The following PARD3B variants were observed in gnomAD, a reference collection of about 807,000 sequenced individuals.
PARD3B encodes par-3 family cell polarity regulator beta.
A neutral mutation model predicts 130.2 loss-of-function variants in PARD3B; 103 were observed. That is an observed-to-expected ratio of 0.79 (90% CI 0.67 to 0.93). The LOEUF (loss-of-function observed/expected upper bound fraction) is 0.93. PARD3B is among the 40% of genes least tolerant of loss of function. The probability of loss-of-function intolerance (pLI) is 0.00; values close to 1 mark genes in which losing one functional copy is unlikely to be tolerated. For missense variants in PARD3B, 1,609 were observed against 1,499.2 expected, an observed-to-expected ratio of 1.07 and a Z score of -1.21; for synonymous variants, 583 against 553.2, an observed-to-expected ratio of 1.05 and a Z score of -0.76.
At chr2:205,249,663 A>T (rs916340866) in intron 16 of PARD3B, among the ~76,000 whole-genome samples, 3 of 152,138 alleles carry the variant, frequency 2.0e-5, no homozygotes, top group Admixed American at 6.5e-5. Context: ...GGCTTCCCCA[A>T]AAGGGCATTG....
chr2:204,896,161 A>G (rs942955907), intron 2 of PARD3B, among the ~76,000 whole-genome samples: 1 of 152,228 alleles, frequency 6.6e-6, no homozygotes, highest in African/African-American at 2.4e-5. Context: ...TGCAAATGCT[A>G]GCTATTATTA....
Position 205,116,142 on chromosome 2 carries a change from A to T in PARD3B, c.680+2565A>T, listed in dbSNP as rs1394474155. On this transcript the variant is annotated intron_variant, in intron 6 of 22. Coordinates refer to ENST00000406610, the MANE Select transcript of PARD3B (RefSeq NM_001302769.2). This position sits in a 1 kb window ranked among gnomAD's most constrained non-coding sequence, Gnocchi z 4.5. ...TTCCCAGTAAAAACAAAGCAAACAT[A>T]AAAAAAACACCAAAGTTCTTGCAAC... Among the ~76,000 whole-genome samples, 2 of 151,614 alleles carry T rather than the reference A, an allele frequency of 1.3e-5. No homozygotes were observed. The highest frequency in any genetic ancestry group is 6.6e-5 in the Admixed American group (1 of 15,062).
chr2:205,369,148 T>C (rs1387359430), intron 18 of PARD3B, among the ~76,000 whole-genome samples: 1 of 152,250 alleles, frequency 6.6e-6, no homozygotes, highest in African/African-American at 2.4e-5. Context: ...ATTAAAAGAA[T>C]GTGCAACTAT....
chr2:205,110,953 C>CATA (rs1173515944), intron 5 of PARD3B, among the ~76,000 whole-genome samples: 8 of 152,058 alleles, frequency 5.3e-5, no homozygotes, highest in Admixed American at 5.2e-4. Flanking sequence ...ATGAAGAGTG[C>CATA]ATATATAGAG....
chr2:204,601,111 C>G (rs2033493795), intron 1 of PARD3B, among the ~76,000 whole-genome samples: 1 of 151,884 alleles, frequency 6.6e-6, no homozygotes, highest in Non-Finnish European at 1.5e-5. Context: ...TGCATGGAAT[C>G]TTCTCATGCA....
At chr2:204,970,779 A>G (rs1691632994) in intron 3 of PARD3B, among the ~76,000 whole-genome samples, 1 of 152,232 alleles carries the variant, frequency 6.6e-6, no homozygotes, top group African/African-American at 2.4e-5. Context: ...CATGCTTGTG[A>G]TCTAGATTAC....
intron 10 of PARD3B, among the ~76,000 whole-genome samples, chr2:205,141,521 G>A (rs1375403541): frequency 6.6e-6 from 1 of 152,314 alleles, no homozygotes; most frequent in South Asian, 2.1e-4. Flanking sequence ...GTGAATGACA[G>A]ATTTACTCCA....
intron 22 of PARD3B, among the ~76,000 whole-genome samples, chr2:205,577,784 G>C (rs2053815520): frequency 6.6e-6 from 1 of 152,178 alleles, no homozygotes; most frequent in Admixed American, 6.5e-5. Context: ...GCTCTCATCA[G>C]ATGGTTCAAT....
rs186446183 is a variant in PARD3B, at chr2:205,199,324, G to A, written c.2140+6004G>A. Among the ~76,000 whole-genome samples the A allele has an allele frequency of 2.4e-3, 364 of 152,214 alleles. 2 individuals carry two copies. The highest frequency in any genetic ancestry group is 8.5e-3 in the African/African-American group (354 of 41,556). On this transcript the variant is annotated intron_variant, in intron 15 of 22. Transcript: ENST00000406610. ...CATTATGATAACTTATCTCAGGGAG[G>A]AAGAAAGGGAAGAGGCATCTGAAGA...
chr2:205,170,501 C>T (rs1299626780), intron 11 of PARD3B, among the ~76,000 whole-genome samples: 1 of 152,144 alleles, frequency 6.6e-6, no homozygotes, highest in Non-Finnish European at 1.5e-5. Flanking sequence ...CCATTTCTTC[C>T]CCGAGTGGGT....
chr2:204,865,366 C>T (rs1380330862), intron 2 of PARD3B, among the ~76,000 whole-genome samples: 1 of 152,140 alleles, frequency 6.6e-6, no homozygotes, highest in African/African-American at 2.4e-5. Context: ...TGGAGCCAGT[C>T]CAAATGACTT....
intron 1 of PARD3B, among the ~76,000 whole-genome samples, chr2:204,568,736 C>T (rs1465942654): frequency 6.6e-6 from 1 of 152,148 alleles, no homozygotes; most frequent in Non-Finnish European, 1.5e-5. Context: ...GGATGGATCA[C>T]TTGGGGTCAG....
intron 2 of PARD3B, among the ~76,000 whole-genome samples, chr2:204,953,012 GTA>G (rs1352917133): frequency 1.9e-3 from 277 of 145,900 alleles, no homozygotes; most frequent in African/African-American, 6.6e-3. Flanking sequence ...AAAAAAAAAG[GTA>G]TATATATATA....
chr2:204,773,811 C>T (rs569242868), intron 2 of PARD3B, among the ~76,000 whole-genome samples: 10 of 152,144 alleles, frequency 6.6e-5, no homozygotes, highest in South Asian at 2.1e-4. Flanking sequence ...CCACGTACCC[C>T]GCTCTCATCC....
intron 2 of PARD3B, among the ~76,000 whole-genome samples, chr2:204,740,116 T>G (rs964466161): frequency 6.6e-6 from 1 of 151,882 alleles, no homozygotes; most frequent in Non-Finnish European, 1.5e-5. Context: ...CAGGTTCGAG[T>G]GATTCTACTG....
chr2:204,865,671 C>A (rs780567914), intron 2 of PARD3B, among the ~76,000 whole-genome samples: 8 of 152,084 alleles, frequency 5.3e-5, no homozygotes, highest in African/African-American at 1.4e-4. Flanking sequence ...AAAGACTACA[C>A]CTTGGGTACA....
intron 1 of PARD3B, among the ~76,000 whole-genome samples, chr2:204,556,896 T>C (rs1016184657): frequency 6.6e-6 from 1 of 152,100 alleles, no homozygotes; most frequent in Non-Finnish European, 1.5e-5. Context: ...TGCAAAACTG[T>C]TTTCAACAAA....
chr2:204,809,065 CAT>C (rs1206460649), intron 2 of PARD3B, among the ~76,000 whole-genome samples: 2 of 151,928 alleles, frequency 1.3e-5, no homozygotes, highest in African/African-American at 4.8e-5. Context: ...GTGTTGGCCT[CAT>C]GTGTGTTTTC....
intron 3 of PARD3B, among the ~76,000 whole-genome samples, chr2:205,017,576 C>G (rs758610408): frequency 4.2e-4 from 64 of 152,270 alleles, no homozygotes; most frequent in Non-Finnish European, 8.1e-4. Context: ...ATCTGCCCAG[C>G]CTGGATGGCT....
Sources: allele counts gnomAD v4.1 joint callset (sites outside exome capture counted in the v4.1 genomes callset), GRCh38; gene constraint gnomAD v4.1.1; non-coding constraint Gnocchi (gnomAD v3.1); transcripts MANE v1.5; gene names NCBI Gene and HGNC (gene_info 2026-07-23, HGNC 2026-07-21).